Variants in CUBN observed in about 807,000 individuals in gnomAD.
CUBN encodes cubilin, also known as 460 kDa receptor.
Under a neutral mutation model 405.3 loss-of-function variants are expected in CUBN, and 282 were observed. That is an observed-to-expected ratio of 0.70 (90% CI 0.63 to 0.77). The LOEUF is 0.77. Ranked by LOEUF, CUBN falls within the 30% of genes least tolerant of loss-of-function variation. The pLI, the probability that CUBN is intolerant of heterozygous loss-of-function variation, is 0.00. For synonymous variants in CUBN, 1,684 were observed against 1,617.0 expected (o/e 1.04, Z -0.99); for missense variants, 4,514 against 4,475.2 (o/e 1.01, Z -0.25).
At chr10:17,100,926 C>CA (rs1836480182) in intron 13 of CUBN, among the ~76,000 whole-genome samples, 1 of 152,070 alleles carries the variant, frequency 6.6e-6, no homozygotes, top group African/African-American at 2.4e-5. Context: ...AGAATAAACA[C>CA]AAAAATGTGT....
In CUBN at chr10:17,068,542, TA is replaced by T. The variant is rs1460269250; in HGVS notation, c.2791+62del. On this transcript the variant is annotated intron_variant, in intron 20 of 66. Transcript: ENST00000377833. Reference sequence around the variant, plus strand: ...AGATGATTTTCATATAATTTATTTCTATCATTCACTTATTCTGATACAAGCC... The same window carrying T: ...AGATGATTTTCATATAATTTATTTCTTCATTCACTTATTCTGATACAAGCC... The T allele has an allele frequency of 1.5e-5, 20 of 1,357,844 alleles. No homozygotes were observed. The East Asian group carries it at 1.8e-4, about 12-fold the overall frequency. The allele number at this position is 1,357,844 out of a possible 1,614,324, so 84.1% of individuals were successfully genotyped here. A position where few individuals can be genotyped will look rare whatever the true frequency, so the allele number is the denominator to read the frequency against.
At chr10:17,043,507 A>G (rs1285660713) in intron 26 of CUBN, among the ~76,000 whole-genome samples, 2 of 152,180 alleles carry the variant, frequency 1.3e-5, no homozygotes, top group East Asian at 3.8e-4. Flanking sequence ...TCTTTCACTG[A>G]ATTGCAACTC....
intron 6 of CUBN, among the ~76,000 whole-genome samples, chr10:17,119,178 G>A (rs754567009): frequency 2.0e-5 from 3 of 152,210 alleles, no homozygotes; most frequent in Non-Finnish European, 4.4e-5. Flanking sequence ...TCTGCATGAT[G>A]TAAAATCTAC....
chr10:16,892,307 C>G (rs1467424617), intron 54 of CUBN, among the ~76,000 whole-genome samples: 1 of 152,118 alleles, frequency 6.6e-6, no homozygotes, highest in African/African-American at 2.4e-5. Context: ...TGCAGATATT[C>G]TGCCAAATGC....
At chr10:16,954,635 T>C (rs777866018) in intron 31 of CUBN, 87 bp from the exon 32 acceptor site, 2 of 1,375,722 alleles carry the variant, frequency 1.5e-6, no homozygotes, top group Non-Finnish European at 2.0e-6. Flanking sequence ...GCCGATATAC[T>C]AGTGGATAAT....
chr10:17,112,887 T>G (rs1178089469), intron 8 of CUBN, among the ~76,000 whole-genome samples: 1 of 152,200 alleles, frequency 6.6e-6, no homozygotes. Context: ...ATGTGAGTAA[T>G]ACTTATTTTT....
Position 17,088,253 on chromosome 10 carries a change from C to T in CUBN, c.1858G>A (p.Val620Ile). Reference sequence around the variant, plus strand: ...ACCAGGAGGTCAGGACTAGTTACAACAATCCAGACACAATCTCTTCCTGGG... The same window carrying T: ...ACCAGGAGGTCAGGACTAGTTACAATAATCCAGACACAATCTCTTCCTGGG... ...YPPGRDCVWI[V>I]VTSPDLLVTF... Residue 620 changes from valine to isoleucine, a missense_variant, in exon 15 of 67, where the codon GTT becomes ATT. Around this residue, in one of 5 missense-constraint regions of CUBN, gnomAD observed 1,448 missense variants for 1,388.0 expected, o/e 1.04. Transcript: ENST00000377833. 5 of 1,613,330 alleles carry T rather than the reference C, an allele frequency of 3.1e-6. No homozygotes were observed. Among genetic ancestry groups the T allele is most frequent in the Non-Finnish European group, 4.2e-6 (5 of 1,179,274 alleles).
chr10:16,915,170 T>G lies in CUBN; in HGVS notation c.7213A>C (p.Asn2405His). Reference sequence around the variant, plus strand: ...TTTCCACAGTATCTGCCCAAGATGTTTCCTGTGAGAGACAAATAATTAAAT... The same window carrying G: ...TTTCCACAGTATCTGCCCAAGATGTGTCCTGTGAGAGACAAATAATTAAAT... ...VEIWDNHTSG[N>H]ILGRYCGNTI... The change falls in exon 47 of 67, where the codon AAC becomes CAC. Residue 2405 changes from asparagine to histidine, a missense_variant and splice_region_variant. Asn to His is a moderately conservative substitution (Grantham distance 68). Coordinates refer to ENST00000377833, the MANE Select transcript of CUBN (RefSeq NM_001081.4). 1 of 1,613,858 alleles carries G rather than the reference T, an allele frequency of 6.2e-7. No individual in the cohort carries two copies. Among genetic ancestry groups the G allele is most frequent in the Non-Finnish European group, 8.5e-7 (1 of 1,179,988 alleles).
intron 59 of CUBN, among the ~76,000 whole-genome samples, chr10:16,855,145 A>G (rs1184323827): frequency 7.6e-6 from 1 of 132,302 alleles, no homozygotes; most frequent in Non-Finnish European, 1.5e-5. Flanking sequence ...AGGACTTGCT[A>G]TGATGCCCAG....
intron 59 of CUBN, among the ~76,000 whole-genome samples, chr10:16,865,250 G>A (rs908155306): frequency 4.6e-5 from 7 of 152,060 alleles, no homozygotes; most frequent in African/African-American, 7.2e-5. Context: ...TATTACAGGC[G>A]TGAGCCACCG....
intron 58 of CUBN, among the ~76,000 whole-genome samples, chr10:16,872,105 T>C (rs1840372893): frequency 1.3e-5 from 2 of 151,744 alleles, no homozygotes; most frequent in African/African-American, 4.9e-5. Flanking sequence ...CCCAGGCTGG[T>C]GGCACACACC....
rs187639540 is a variant in CUBN at position 16,948,659 on chromosome 10, G to A, written c.5081-53C>T. Reference sequence around the variant, plus strand: ...AATGAATGACAACATGGCAGAGACCGCTGTTTCTAGGAAACACATCTTTAC... The same window carrying A: ...AATGAATGACAACATGGCAGAGACCACTGTTTCTAGGAAACACATCTTTAC... On this transcript the variant is annotated intron_variant, in intron 34 of 66. Coordinates refer to ENST00000377833, the MANE Select transcript of CUBN (RefSeq NM_001081.4). The A allele has an allele frequency of 1.1e-4, 182 of 1,604,564 alleles. 5 individuals carry two copies. The highest frequency in any genetic ancestry group is 2.1e-4 in the African/African-American group (16 of 74,850).
intron 66 of CUBN, among the ~76,000 whole-genome samples, chr10:16,827,524 G>C (rs1159006831): frequency 6.6e-6 from 1 of 152,188 alleles, no homozygotes; most frequent in East Asian, 1.9e-4. Flanking sequence ...TGTCTAGTTT[G>C]ATTACAAAGT....
chr10:17,084,177 C>T, intron 17 of CUBN, 94 bp downstream of exon 17: 2 of 1,244,046 alleles, frequency 1.6e-6, no homozygotes, highest in Non-Finnish European at 1.2e-6. Flanking sequence ...ATTCTGGCTG[C>T]TGGTGGCCCA....
intron 5 of CUBN, 174 bp downstream of exon 5, chr10:17,123,414 T>C: frequency 1.5e-6 from 1 of 665,976 alleles, no homozygotes; most frequent in Non-Finnish European, 2.7e-6. Context: ...TGGTGGGTTA[T>C]ACAATCATAC....
intron 4 of CUBN, among the ~76,000 whole-genome samples, chr10:17,124,116 G>A (rs953046574): frequency 2.0e-5 from 3 of 152,150 alleles, no homozygotes; most frequent in African/African-American, 4.8e-5. Flanking sequence ...TTGGTCCCTC[G>A]AGGTGAGCCT....
intron 17 of CUBN, among the ~76,000 whole-genome samples, 176 bp from the exon 18 acceptor site, chr10:17,072,147 C>G (rs1159952690): frequency 3.9e-5 from 6 of 152,096 alleles, no homozygotes; most frequent in Non-Finnish European, 8.8e-5. Flanking sequence ...AATGCAATAA[C>G]ATGAAATGCT....
intron 27 of CUBN, among the ~76,000 whole-genome samples, chr10:17,029,750 C>T (rs1348929159): frequency 7.2e-5 from 11 of 152,132 alleles, no homozygotes; most frequent in East Asian, 1.9e-4. Flanking sequence ...TAATCAAAGT[C>T]GGCTCAGATC....
chr10:16,871,334 C>A (rs1430808046), intron 58 of CUBN, among the ~76,000 whole-genome samples: 1 of 151,416 alleles, frequency 6.6e-6, no homozygotes, highest in Non-Finnish European at 1.5e-5. Context: ...GACACCATGC[C>A]CAGCCTGCAT....
Sources: allele counts gnomAD v4.1 joint callset (sites outside exome capture counted in the v4.1 genomes callset), GRCh38; gene constraint gnomAD v4.1.1; regional missense constraint gnomAD v4.1.1; transcripts MANE v1.5; gene names NCBI Gene and HGNC (gene_info 2026-07-23, HGNC 2026-07-21).